Variants in CCDC124 observed in about 807,000 individuals in gnomAD.
The protein encoded by CCDC124 is coiled-coil domain containing 124.
In CCDC124, 9 loss-of-function variants were observed where a neutral mutation model predicts 19.8. The observed-to-expected ratio is 0.45, with a 90% CI of 0.27 to 0.79. The LOEUF (loss-of-function observed/expected upper bound fraction) is 0.79. Among genes scored for constraint, CCDC124 ranks in the 30% least tolerant of loss-of-function variants. The pLI, the probability that CCDC124 is intolerant of heterozygous loss-of-function variation, is 0.14. For missense variants in CCDC124, 285 were observed against 319.0 expected, an observed-to-expected ratio of 0.89 and a Z score of 0.81; for synonymous variants, 126 against 131.3, an observed-to-expected ratio of 0.96 and a Z score of 0.27.
Position 17,943,691 on chromosome 19 carries a change from C to T in CCDC124, c.648C>T (p.Ala216=), listed in dbSNP as rs372508805. ...CTGACAACCCCATGAACCAGCGGGC[C>T]GTGCCCTTCAATGCCCCCAAGTGAG... ...RSPDNPMNQR[A]VPFNAPK Residue 216 remains alanine, a synonymous_variant, in exon 5 of 5, where the codon GCC becomes GCT. Coordinates refer to ENST00000445755, the MANE Select transcript of CCDC124 (RefSeq NM_001136203.2). 45 of 1,612,682 alleles carry T rather than the reference C, an allele frequency of 2.8e-5. No homozygotes were observed. The African/African-American group carries it at 3.6e-4, about 13-fold the overall frequency.
At chr19:17,935,434 T>C (rs1433734374) in intron 1 of CCDC124, among the ~76,000 whole-genome samples, 3 of 152,078 alleles carry the variant, frequency 2.0e-5, no homozygotes, top group African/African-American at 7.2e-5. Context: ...CCTTTTTTTT[T>C]TTTTGAGATG....
chr19:17,938,946 C>T (rs926725263), intron 2 of CCDC124, among the ~76,000 whole-genome samples: 9 of 152,178 alleles, frequency 5.9e-5, no homozygotes, highest in Non-Finnish European at 5.9e-5. Flanking sequence ...TTTTAGCACA[C>T]ATTCAATGTC....
In CCDC124 at chr19:17,942,046, T is replaced by A. The variant is rs997000543; in HGVS notation, c.160-610T>A. Among the ~76,000 whole-genome samples, 1 of 151,986 alleles carries A rather than the reference T, an allele frequency of 6.6e-6. No homozygotes were observed. Among genetic ancestry groups the A allele is most frequent in the East Asian group, 1.9e-4 (1 of 5,186 alleles). On this transcript the variant is annotated intron_variant, in intron 2 of 4. Transcript: ENST00000445755. This position sits in a 1 kb window ranked among gnomAD's most constrained non-coding sequence, Gnocchi z 4.2. ...AAGGGCAAGTCCCGTAGCCCAGATG[T>A]CCCTCATCCAGCCAGCATCAGGGCT...
Position 17,936,478 on chromosome 19 carries a change from G to A in CCDC124, c.58G>A (p.Ala20Thr), listed in dbSNP as rs774219634. 4 of 1,613,112 alleles carry A rather than the reference G, an allele frequency of 2.5e-6. No homozygotes were observed. Among genetic ancestry groups the A allele is most frequent in the Non-Finnish European group, 3.4e-6 (4 of 1,179,822 alleles). ...GTCGGCAGCGGCCCGGGCACGTAGG[G>A]CAGAGGCCAAGGCGGCCGCTGATGC... ...TKSAAARARRAEAKAAADAKK... is the reference protein window; with the variant it reads ...TKSAAARARRTEAKAAADAKK... The change falls in exon 2 of 5, where the codon GCA becomes ACA. Residue 20 changes from alanine (A) to threonine (T), a missense_variant. By Grantham distance (58) the Ala-to-Thr change is moderately conservative. Transcript: ENST00000445755.
At chr19:17,938,645 A>G (rs6512237) in intron 2 of CCDC124, among the ~76,000 whole-genome samples, 100,274 of 151,958 alleles carry the variant, frequency 0.66, 33,970 homozygotes, top group African/African-American at 0.8. Flanking sequence ...AGACTGGAGT[A>G]CAGTGGCAGG....
In CCDC124 at chr19:17,936,007, C is replaced by T. The variant is rs372302456; in HGVS notation, c.-11-403C>T. ...TCAACCTCCACCTCCCGGGTTCGAG[C>T]GATTCTCCTGCCTCAGCCTCCTGAC... On this transcript the variant is annotated intron_variant, in intron 1 of 4. Coordinates refer to ENST00000445755, the MANE Select transcript of CCDC124 (RefSeq NM_001136203.2). Among the ~76,000 whole-genome samples the T allele has an allele frequency of 6.6e-5, 10 of 152,116 alleles. No individual in the cohort carries two copies. The East Asian group carries it at 1.9e-3, about 30-fold the overall frequency.
intron 2 of CCDC124, among the ~76,000 whole-genome samples, chr19:17,939,029 G>T (rs1448776616): frequency 6.6e-6 from 1 of 152,108 alleles, no homozygotes; most frequent in African/African-American, 2.4e-5. Flanking sequence ...TAGTTTGGGG[G>T]TTGGGGGATC....
Position 17,943,373 on chromosome 19 carries a change from C to A in CCDC124, c.462C>A (p.Leu154=). Residue 154 remains leucine (L), a splice_region_variant and synonymous_variant, in exon 4 of 5, where the codon CTC becomes CTA. Transcript: ENST00000445755. ...ARTIEDAIAV[L]SVAEEAADRH... is the part of the protein sequence containing the mutation. ...CCATCGAGGACGCCATTGCAGTGCTCAGGTAACGGGGCGGGGCCTGGGGCT... is the reference window on the plus strand; with the variant it reads ...CCATCGAGGACGCCATTGCAGTGCTAAGGTAACGGGGCGGGGCCTGGGGCT... 6.3e-7 allele frequency: 1 copy of A among 1,580,722 alleles called. No homozygotes were observed. The highest frequency in any genetic ancestry group is 2.3e-5 in the East Asian group (1 of 43,710).
Position 17,942,582 on chromosome 19 carries a change from A to G in CCDC124, c.160-74A>G, listed in dbSNP as rs912345636. ...CTAAATCCTCGTTGGCTGAGATGAAAACTCGAACCCCAGGCTAGTGGGTGG... is the reference window on the plus strand; with the variant it reads ...CTAAATCCTCGTTGGCTGAGATGAAGACTCGAACCCCAGGCTAGTGGGTGG... On this transcript the variant is annotated intron_variant, in intron 2 of 4. Transcript: ENST00000445755. This position sits in a 1 kb window ranked among gnomAD's most constrained non-coding sequence, Gnocchi z 4.2. 3.4e-5 allele frequency: 51 copies of G among 1,499,628 alleles called. No homozygotes were observed. The East Asian group carries it at 1.2e-3, about 36-fold the overall frequency. The allele number at this position is 1,499,628 out of a possible 1,614,324, so 92.9% of individuals were successfully genotyped here. A position where few individuals can be genotyped will look rare whatever the true frequency, so the allele number is the denominator to read the frequency against.
chr19:17,933,814 G>C (rs1028435634), intron 1 of CCDC124, among the ~76,000 whole-genome samples: 1 of 152,208 alleles, frequency 6.6e-6, no homozygotes, highest in Non-Finnish European at 1.5e-5. Context: ...TCCTTATTAG[G>C]ACTCTGATTG....
intron 2 of CCDC124, among the ~76,000 whole-genome samples, chr19:17,940,991 G>A (rs2031167277): frequency 6.6e-6 from 1 of 151,172 alleles, no homozygotes; most frequent in African/African-American, 2.4e-5. Context: ...AGCTTGCAGT[G>A]AGCCGAGATG....
Position 17,943,976 on chromosome 19 carries a change from C to T in CCDC124, c.*261C>T, listed in dbSNP as rs1033132403. Reference sequence around the variant, plus strand: ...CCCAATAAAGGTGGCGGCAAGGCTGCGGTGAGGCACTTGAAGCCTAAGTGA... The same window carrying T: ...CCCAATAAAGGTGGCGGCAAGGCTGTGGTGAGGCACTTGAAGCCTAAGTGA... On this transcript the variant is annotated 3_prime_UTR_variant, in exon 5 of 5. Coordinates refer to ENST00000445755, the MANE Select transcript of CCDC124 (RefSeq NM_001136203.2). The T allele has an allele frequency of 1.5e-5, 8 of 541,136 alleles. No homozygotes were observed. Among genetic ancestry groups the T allele is most frequent in the African/African-American group, 1.3e-4 (7 of 52,888 alleles). 33.5% of individuals were successfully genotyped at this position (541,136 alleles called of 1,614,324 possible).
At chr19:17,934,080 TTGAGAGG>T (rs2031006742) in intron 1 of CCDC124, among the ~76,000 whole-genome samples, 1 of 148,958 alleles carries the variant, frequency 6.7e-6, no homozygotes, top group African/African-American at 2.6e-5. Flanking sequence ...TCCAGGCACT[TTGAGAGG>T]CCGAGGCAAG....
intron 2 of CCDC124, among the ~76,000 whole-genome samples, chr19:17,938,588 C>T (rs1031611908): frequency 4.6e-5 from 7 of 152,056 alleles, no homozygotes; most frequent in Non-Finnish European, 8.8e-5. Context: ...CTGTTTTACC[C>T]GTCATCTTTT....
chr19:17,938,372 A>G (rs1433979673), intron 2 of CCDC124, among the ~76,000 whole-genome samples: 1 of 152,122 alleles, frequency 6.6e-6, no homozygotes, highest in Non-Finnish European at 1.5e-5. Flanking sequence ...GCCAAGCACC[A>G]TGCTTCATTG....
rs548826104 is a variant in CCDC124 at position 17,943,862 on chromosome 19, C to T, written c.*147C>T. Reference sequence around the variant, plus strand: ...GGCCATGCTCTTATCACCAGCCACCCGTCCTCCCGCCAGAGGGTCCCTGCC... The same window carrying T: ...GGCCATGCTCTTATCACCAGCCACCTGTCCTCCCGCCAGAGGGTCCCTGCC... On this transcript the variant is annotated 3_prime_UTR_variant, in exon 5 of 5. Transcript: ENST00000445755. 1.9e-5 allele frequency: 14 copies of T among 735,510 alleles called. No homozygotes were observed. Among genetic ancestry groups the T allele is most frequent in the African/African-American group, 1.2e-4 (7 of 56,412 alleles). The allele number at this position is 735,510 out of a possible 1,614,324, so 45.6% of individuals were successfully genotyped here. A position where few individuals can be genotyped will look rare whatever the true frequency, so the allele number is the denominator to read the frequency against.
rs2031195634 is a variant in CCDC124 at position 17,942,068 on chromosome 19, G to A, written c.160-588G>A. ...ATGTCCCTCATCCAGCCAGCATCAG[G>A]GCTTCCCTGGGCGGCCGATGTGGAA... On this transcript the variant is annotated intron_variant, in intron 2 of 4. Transcript: ENST00000445755. This position sits in a 1 kb window ranked among gnomAD's most constrained non-coding sequence, Gnocchi z 4.2. Among the ~76,000 whole-genome samples, 1 of 152,142 alleles carries A rather than the reference G, an allele frequency of 6.6e-6. No homozygotes were observed. The highest frequency in any genetic ancestry group is 6.5e-5 in the Admixed American group (1 of 15,270).
At chr19:17,933,496 C>T (rs919466775) in intron 1 of CCDC124, among the ~76,000 whole-genome samples, 11 of 152,156 alleles carry the variant, frequency 7.2e-5, no homozygotes, top group Admixed American at 3.9e-4. Context: ...TGCCCCTCGC[C>T]CAGCCTGAGC....
chr19:17,939,656 T>A (rs988098351), intron 2 of CCDC124, among the ~76,000 whole-genome samples: 14 of 151,140 alleles, frequency 9.3e-5, no homozygotes, highest in African/African-American at 3.2e-4. Flanking sequence ...AGAGTTTCAC[T>A]CTGTCGCACA....
Sources: allele counts gnomAD v4.1 joint callset (sites outside exome capture counted in the v4.1 genomes callset), GRCh38; gene constraint gnomAD v4.1.1; non-coding constraint Gnocchi (gnomAD v3.1); transcripts MANE v1.5; gene names NCBI Gene and HGNC (gene_info 2026-07-23, HGNC 2026-07-21).